ABHD4: variants seen among roughly 807,000 people sequenced by gnomAD.
ABHD4 encodes (Lyso)-N-acylphosphatidylethanolamine lipase.
A neutral mutation model predicts 42.3 loss-of-function variants in ABHD4; 35 were observed. The ratio of observed to expected loss-of-function variants is 0.83; its 90% CI spans 0.63 to 1.10. The LOEUF (loss-of-function observed/expected upper bound fraction) is 1.10, where lower values mean the gene tolerates loss of function less well. Ranked by LOEUF, ABHD4 falls within the 50% of genes least tolerant of loss-of-function variation. The probability of loss-of-function intolerance (pLI) is 0.00; values close to 1 mark genes in which losing one functional copy is unlikely to be tolerated. For missense variants in ABHD4, 389 were observed against 454.8 expected (o/e 0.86, Z 1.32); for synonymous variants, 169 against 170.6 (o/e 0.99, Z 0.07).
chr14:22,604,169 A>G (rs1041975931), intron 4 of ABHD4, 90 bp downstream of exon 4: 3 of 1,457,072 alleles, frequency 2.1e-6, no homozygotes, highest in Non-Finnish European at 2.8e-6. Context: ...AAAAGTGGAA[A>G]TTGGCCTAGC....
intron 6 of ABHD4, among the ~76,000 whole-genome samples, 171 bp downstream of exon 6, chr14:22,610,081 G>C (rs2037394814): frequency 2.0e-5 from 3 of 151,804 alleles, no homozygotes; most frequent in Middle Eastern, 6.8e-3. Flanking sequence ...TTTCGTGATG[G>C]AGTCTCGCTA....
chr14:22,603,421 A>G lies in ABHD4; in HGVS notation c.144A>G (p.Val48=), dbSNP rs140048080. ...CLQNKFLARY[V]SLPNQNKIWT... is the part of the protein sequence containing the mutation. ...AGAATAAGTTCCTGGCCAGATATGT[A>G]TCCCTCCCAAACCAGAATAAGATCT... The change falls in exon 3 of 7, where the codon GTA becomes GTG. Residue 48 remains valine, a synonymous_variant. Coordinates refer to ENST00000428304, the MANE Select transcript of ABHD4 (RefSeq NM_022060.3). The G allele has an allele frequency of 1.5e-4, 249 of 1,613,988 alleles. No individual in the cohort carries two copies. The highest frequency in any genetic ancestry group is 2.0e-4 in the Non-Finnish European group (235 of 1,180,012).
chr14:22,602,771 A>G (rs1594890888), intron 2 of ABHD4, among the ~76,000 whole-genome samples: 1 of 152,196 alleles, frequency 6.6e-6, no homozygotes, highest in African/African-American at 2.4e-5. Context: ...TTGGAGTTGA[A>G]TTCTTTAGAG....
rs755342789 is a variant in ABHD4 at position 22,603,476 on chromosome 14, G to A, written c.199G>A (p.Asp67Asn). The change falls in exon 3 of 7, where the codon GAC becomes AAC. Residue 67 changes from aspartate (D) to asparagine (N), a missense_variant. Asp to Asn is a conservative substitution (Grantham distance 23). Around this residue, in one of 3 missense-constraint regions of ABHD4, gnomAD observed 102 missense variants for 128.3 expected, o/e 0.80. Transcript: ENST00000428304. ...WTVTVSPEQN[D>N]RTPLVMVHGF... Reference sequence around the variant, plus strand: ...GGTGACTGTGAGCCCCGAGCAAAACGACCGCACCCCCTTGGTGATGGTGCA... The same window carrying A: ...GGTGACTGTGAGCCCCGAGCAAAACAACCGCACCCCCTTGGTGATGGTGCA... 4.3e-6 allele frequency: 7 copies of A among 1,614,120 alleles called. No individual in the cohort carries two copies. Among genetic ancestry groups the A allele is most frequent in the Admixed American group, 1.7e-5 (1 of 60,020 alleles).
intron 4 of ABHD4, chr14:22,605,922 G>A: frequency 1.0e-6 from 1 of 954,066 alleles, no homozygotes; most frequent in Admixed American, 2.3e-5. Context: ...AGTGCCCTGA[G>A]TCTGAGACAC....
At chr14:22,600,125 C>T in intron 1 of ABHD4, 1 of 454,922 alleles carries the variant, frequency 2.2e-6, no homozygotes, top group Non-Finnish European at 4.4e-6. Flanking sequence ...GATATTATTA[C>T]CTCCCTTTTA....
intron 4 of ABHD4, among the ~76,000 whole-genome samples, chr14:22,604,830 G>A (rs567913623): frequency 1.3e-5 from 2 of 152,020 alleles, no homozygotes; most frequent in Admixed American, 1.3e-4. Context: ...GGCTGGTCTT[G>A]AACTCCTAGC....
In ABHD4 at chr14:22,603,375, T is replaced by C; in HGVS notation, c.113-15T>C. 1 of 1,614,008 alleles carries C rather than the reference T, an allele frequency of 6.2e-7. No individual in the cohort carries two copies. The highest frequency in any genetic ancestry group is 8.5e-7 in the Non-Finnish European group (1 of 1,179,958). On this transcript the variant is annotated splice_polypyrimidine_tract_variant and intron_variant, in intron 2 of 6. Transcript: ENST00000428304. ...AAACACTTATTGACTTACCATGGGA[T>C]TCTTTCCTCCCCAGGTCTCCAGAAT...
At chr14:22,610,738 A>G (rs1170152471) in intron 6 of ABHD4, 121 bp from the exon 7 acceptor site, 5 of 729,734 alleles carry the variant, frequency 6.9e-6, no homozygotes, top group Non-Finnish European at 1.2e-5. Context: ...GTGGAGCATT[A>G]TCTCTGATAA....
intron 1 of ABHD4, among the ~76,000 whole-genome samples, chr14:22,599,797 G>A (rs1186468508): frequency 6.6e-6 from 1 of 152,130 alleles, no homozygotes; most frequent in East Asian, 1.9e-4. Context: ...CTGTGGTCTT[G>A]GTCCCCGTGC....
At position 22,610,136 on chromosome 14, in the gene ABHD4, C is replaced by A. The variant is rs568458580; in HGVS notation, c.939+226C>A. Among the ~76,000 whole-genome samples, 8 of 152,210 alleles carry A rather than the reference C, an allele frequency of 5.3e-5. No individual in the cohort carries two copies. The East Asian group carries it at 1.4e-3, about 26-fold the overall frequency. Reference sequence around the variant, plus strand: ...GCAATGGTACAATCTCGGCTCACTGCAACCTCCGCCTCCCGGGTTCAAGCG... The same window carrying A: ...GCAATGGTACAATCTCGGCTCACTGAAACCTCCGCCTCCCGGGTTCAAGCG... On this transcript the variant is annotated intron_variant, in intron 6 of 6. Coordinates refer to ENST00000428304, the MANE Select transcript of ABHD4 (RefSeq NM_022060.3).
At chr14:22,609,956 T>C (rs2037392817) in intron 6 of ABHD4, 46 bp downstream of exon 6, 1 of 1,588,144 alleles carries the variant, frequency 6.3e-7, no homozygotes, top group Non-Finnish European at 8.6e-7. Flanking sequence ...TGAGAGTCAA[T>C]CACCTCTCAG....
intron 1 of ABHD4, 116 bp from the exon 2 acceptor site, chr14:22,601,551 T>C (rs2037284980): frequency 4.2e-6 from 4 of 952,718 alleles, no homozygotes. Flanking sequence ...GGCAGGTCTC[T>C]CAAGGCTAGG....
chr14:22,605,321 C>G (rs775044853), intron 4 of ABHD4, among the ~76,000 whole-genome samples: 10 of 152,098 alleles, frequency 6.6e-5, no homozygotes, highest in Non-Finnish European at 1.0e-4. Context: ...TGATGCCTGT[C>G]TTGTACTGAT....
rs781452282 is a variant in ABHD4, at chr14:22,606,460, C to G, written c.679C>G (p.Arg227Gly). The G allele has an allele frequency of 6.2e-7, 1 of 1,610,012 alleles. No homozygotes were observed. Among genetic ancestry groups the G allele is most frequent in the Non-Finnish European group, 8.5e-7 (1 of 1,176,768 alleles). ...GCAGCGATTCCGGCCGGACTTCAAA[C>G]GCAAGTTTGCAGACTTCTTTGAAGA... ...LVQRFRPDFKRKFADFFEDDT... is the reference protein window; with the variant it reads ...LVQRFRPDFKGKFADFFEDDT... Residue 227 changes from arginine (R) to glycine (G), a missense_variant, in exon 5 of 7, where the codon CGC (arginine) becomes GGC (glycine). By Grantham distance (125) the Arg-to-Gly change is moderately radical. Transcript: ENST00000428304.
chr14:22,607,046 A>G (rs1196501322), intron 5 of ABHD4, among the ~76,000 whole-genome samples: 1 of 152,194 alleles, frequency 6.6e-6, no homozygotes, highest in Non-Finnish European at 1.5e-5. Context: ...CTTTGTACAC[A>G]CATGTGACTG....
intron 5 of ABHD4, among the ~76,000 whole-genome samples, chr14:22,607,123 T>A (rs1594893148): frequency 6.6e-6 from 1 of 152,230 alleles, no homozygotes; most frequent in Admixed American, 6.5e-5. Context: ...AAAATTTAAT[T>A]ATGTGCATTT....
intron 1 of ABHD4, 106 bp from the exon 2 acceptor site, chr14:22,601,561 G>A: frequency 9.3e-7 from 1 of 1,076,232 alleles, no homozygotes; most frequent in East Asian, 2.4e-5. Flanking sequence ...TCAAGGCTAG[G>A]AAACACCCTG....
chr14:22,603,145 C>T (rs1329225371), intron 2 of ABHD4, among the ~76,000 whole-genome samples: 2 of 152,206 alleles, frequency 1.3e-5, no homozygotes, highest in African/African-American at 4.8e-5. Context: ...CTGAGCTAGA[C>T]ATTTGGAAGA....
Sources: gnomAD v4.1 joint callset for allele counts (sites outside exome capture counted in the v4.1 genomes callset) on GRCh38, gnomAD v4.1.1 for gene constraint, gnomAD v4.1.1 regional missense constraint, MANE v1.5 for transcripts, NCBI Gene and HGNC (gene_info 2026-07-23, HGNC 2026-07-21) for gene names.